Variants in PTPRD observed in about 807,000 individuals in gnomAD.
PTPRD encodes the protein protein tyrosine phosphatase receptor type D.
PTPRD carries 34 observed loss-of-function variants against 214.5 expected under a neutral mutation model. The ratio of observed to expected loss-of-function variants is 0.16; its 90% CI spans 0.12 to 0.21. PTPRD has a LOEUF of 0.21. Among genes scored for constraint, PTPRD ranks in the 10% least tolerant of loss-of-function variants. The probability of loss-of-function intolerance (pLI) is 1.00; values close to 1 mark genes in which losing one functional copy is unlikely to be tolerated. For synonymous variants in PTPRD, 1,128 were observed against 845.7 expected (o/e 1.33, Z -5.79); for missense variants, 2,545 against 2,398.7 (o/e 1.06, Z -1.27).
At chr9:9,961,913 T>G (rs1190529298) in intron 4 of PTPRD, among the ~76,000 whole-genome samples, 1 of 152,260 alleles carries the variant, frequency 6.6e-6, no homozygotes, top group East Asian at 1.9e-4. Flanking sequence ...AGGTTTAAGA[T>G]GATGAATATG....
chr9:10,461,527 G>T (rs1379230341), intron 2 of PTPRD, among the ~76,000 whole-genome samples: 1 of 151,596 alleles, frequency 6.6e-6, no homozygotes, highest in East Asian at 1.9e-4. Context: ...CCTGTCACTT[G>T]TCACAATATG....
intron 10 of PTPRD, among the ~76,000 whole-genome samples, chr9:9,089,256 G>A (rs2099772080): frequency 6.6e-6 from 1 of 152,106 alleles, no homozygotes; most frequent in South Asian, 2.1e-4. Flanking sequence ...TAGGCCTTAT[G>A]AGCCATAGTC....
intron 2 of PTPRD, among the ~76,000 whole-genome samples, chr9:10,521,941 G>C (rs540003009): frequency 2.0e-5 from 3 of 152,130 alleles, no homozygotes; most frequent in African/African-American, 7.2e-5. Flanking sequence ...TATTGCAGTG[G>C]TCTAGAACCT....
At chr9:8,605,627 T>A (rs1373011752) in intron 14 of PTPRD, among the ~76,000 whole-genome samples, 1 of 152,162 alleles carries the variant, frequency 6.6e-6, no homozygotes, top group Non-Finnish European at 1.5e-5. Context: ...AGGGATAATA[T>A]AAAACTTTCA....
intron 2 of PTPRD, among the ~76,000 whole-genome samples, chr9:10,474,028 AAC>A (rs2099047418): frequency 2.6e-5 from 4 of 152,138 alleles, no homozygotes; most frequent in Admixed American, 2.6e-4. Context: ...TCACTGCAAA[AAC>A]ACACAAAAAT....
intron 2 of PTPRD, among the ~76,000 whole-genome samples, chr9:10,505,635 T>A (rs2045666736): frequency 6.6e-6 from 1 of 151,478 alleles, no homozygotes; most frequent in Non-Finnish European, 1.5e-5. Flanking sequence ...GCAAGCATGC[T>A]CCAAAGCCAC....
intron 2 of PTPRD, among the ~76,000 whole-genome samples, chr9:10,374,696 G>C (rs1180361035): frequency 6.6e-6 from 1 of 151,974 alleles, no homozygotes; most frequent in Non-Finnish European, 1.5e-5. Flanking sequence ...ACATTTGCTA[G>C]CTCCATGTTC....
At chr9:10,346,004 T>G (rs1235162088) in intron 2 of PTPRD, among the ~76,000 whole-genome samples, 1 of 152,202 alleles carries the variant, frequency 6.6e-6, no homozygotes, top group Non-Finnish European at 1.5e-5. Flanking sequence ...TGCAGTCCTC[T>G]AATAACCAAT....
intron 39 of PTPRD, 29 bp from the exon 40 acceptor site, chr9:8,342,007 A>C: frequency 6.4e-7 from 1 of 1,553,146 alleles, no homozygotes; most frequent in Non-Finnish European, 8.6e-7. Context: ...AGAAAAGCCC[A>C]AATAAACCTA....
chr9:10,610,959 T>C (rs1440791562), intron 2 of PTPRD, among the ~76,000 whole-genome samples: 1 of 152,158 alleles, frequency 6.6e-6, no homozygotes, highest in Non-Finnish European at 1.5e-5. Context: ...TGCTTTTATA[T>C]ACTCACTTAA....
intron 3 of PTPRD, among the ~76,000 whole-genome samples, chr9:10,116,095 G>A (rs549710426): frequency 2.6e-5 from 4 of 152,158 alleles, no homozygotes; most frequent in Admixed American, 6.5e-5. Context: ...CTTAACAAGC[G>A]GGAGTAAAGT....
At chr9:10,123,755 C>T (rs1354711450) in intron 3 of PTPRD, among the ~76,000 whole-genome samples, 1 of 152,156 alleles carries the variant, frequency 6.6e-6, no homozygotes, top group African/African-American at 2.4e-5. Flanking sequence ...CAAACTGATG[C>T]TCATGGTGTT....
chr9:8,555,533 A>T, intron 14 of PTPRD, among the ~76,000 whole-genome samples: 1 of 152,234 alleles, frequency 6.6e-6, no homozygotes, highest in East Asian at 1.9e-4. Flanking sequence ...GGGTAATTTG[A>T]TGTTAAACAC....
At chr9:9,887,386 T>C (rs183804879) in intron 5 of PTPRD, among the ~76,000 whole-genome samples, 1 of 152,284 alleles carries the variant, frequency 6.6e-6, no homozygotes, top group African/African-American at 2.4e-5. Context: ...TTTTGTCTCC[T>C]GCAGTGAAAA....
intron 45 of PTPRD, 103 bp downstream of exon 45, chr9:8,319,728 C>T (rs2130677243): frequency 2.9e-6 from 4 of 1,393,886 alleles, no homozygotes; most frequent in South Asian, 2.6e-5. Context: ...ATGCTTTCCC[C>T]ACAGTATTTT....
At chr9:9,947,365 A>ATATATATTATATATAT (rs1566616653) in intron 4 of PTPRD, among the ~76,000 whole-genome samples, 2 of 40,736 alleles carry the variant, frequency 4.9e-5, no homozygotes, top group African/African-American at 2.2e-4. Flanking sequence ...TATATATATT[A>ATATATATTATATATAT]TATATATATT....
intron 9 of PTPRD, among the ~76,000 whole-genome samples, chr9:9,299,643 T>G (rs1954492509): frequency 6.6e-6 from 1 of 151,828 alleles, no homozygotes; most frequent in Non-Finnish European, 1.5e-5. Flanking sequence ...TCTTAATGAT[T>G]ATAAAATGAT....
intron 10 of PTPRD, among the ~76,000 whole-genome samples, chr9:9,102,901 T>C (rs2099793275): frequency 1.3e-5 from 2 of 152,344 alleles, no homozygotes; most frequent in South Asian, 4.1e-4. Context: ...ATTAACGCTA[T>C]AATTTGAGCA....
At chr9:10,374,520 G>T (rs1358306972) in intron 2 of PTPRD, among the ~76,000 whole-genome samples, 1 of 151,896 alleles carries the variant, frequency 6.6e-6, no homozygotes, top group South Asian at 2.1e-4. Context: ...TCTCTTTCCT[G>T]ATCATAGGAG....
Sources: allele counts gnomAD v4.1 joint callset (sites outside exome capture counted in the v4.1 genomes callset), GRCh38; gene constraint gnomAD v4.1.1; transcripts MANE v1.5; gene names NCBI Gene and HGNC (gene_info 2026-07-23, HGNC 2026-07-21).